The following TRAF3 variants were observed in gnomAD, a reference collection of about 807,000 sequenced individuals.
The protein encoded by TRAF3 is TNF receptor-associated factor 3.
In TRAF3, 13 loss-of-function variants were observed where a neutral mutation model predicts 62.3. The ratio of observed to expected loss-of-function variants is 0.21; its 90% CI spans 0.14 to 0.33. TRAF3 has a LOEUF of 0.33. Ranked by LOEUF, TRAF3 falls within the 10% of genes least tolerant of loss-of-function variation. TRAF3 has a pLI of 1.00. For synonymous variants in TRAF3, 269 were observed against 283.4 expected (o/e 0.95, Z 0.51); for missense variants, 440 against 741.8 (o/e 0.59, Z 4.73).
chr14:102,835,156 C>T (rs1825068052), intron 2 of TRAF3, among the ~76,000 whole-genome samples: 1 of 152,048 alleles, frequency 6.6e-6, no homozygotes, highest in African/African-American at 2.4e-5. Flanking sequence ...GAAAAACAGC[C>T]CAAATCACTG....
At chr14:102,866,761 C>CT (rs1007447384) in intron 2 of TRAF3, among the ~76,000 whole-genome samples, 1 of 151,670 alleles carries the variant, frequency 6.6e-6, no homozygotes, top group Non-Finnish European at 1.5e-5. Flanking sequence ...GGGAGGATTG[C>CT]TTGAGCCCAG....
intron 1 of TRAF3, among the ~76,000 whole-genome samples, chr14:102,820,504 A>G (rs1463425861): frequency 1.4e-5 from 2 of 140,088 alleles, no homozygotes; most frequent in Non-Finnish European, 3.0e-5. Context: ...AATGTTTTTC[A>G]GATGCATTTT....
chr14:102,787,076 T>C (rs1436233814), intron 1 of TRAF3, among the ~76,000 whole-genome samples: 1 of 152,170 alleles, frequency 6.6e-6, no homozygotes, highest in Non-Finnish European at 1.5e-5. Flanking sequence ...TCATTTCTCT[T>C]CCCCTTTCCT....
Position 102,891,318 on chromosome 14 carries a change from C to T in TRAF3, c.727-7C>T, listed in dbSNP as rs376963322. The T allele has an allele frequency of 4.3e-6, 7 of 1,612,120 alleles. No individual in the cohort carries two copies. The highest frequency in any genetic ancestry group is 2.2e-5 in the East Asian group (1 of 44,854). On this transcript the variant is annotated splice_polypyrimidine_tract_variant and splice_region_variant and intron_variant, in intron 8 of 11. Transcript: ENST00000392745. Reference sequence around the variant, plus strand: ...TCGCTGAATGCCTCACATGTTTGCTCTCGCAGGGGACAAACCAGCAGATCA... The same window carrying T: ...TCGCTGAATGCCTCACATGTTTGCTTTCGCAGGGGACAAACCAGCAGATCA...
intron 2 of TRAF3, among the ~76,000 whole-genome samples, chr14:102,837,919 T>C (rs986987666): frequency 6.6e-6 from 1 of 152,132 alleles, no homozygotes; most frequent in African/African-American, 2.4e-5. Context: ...GCCAGCAGAG[T>C]TGGAGCATTG....
chr14:102,897,023 A>G (rs1330108709), intron 9 of TRAF3, among the ~76,000 whole-genome samples: 2 of 152,170 alleles, frequency 1.3e-5, no homozygotes, highest in Non-Finnish European at 1.5e-5. Flanking sequence ...GCAGTGAGCT[A>G]TGATTGCACC....
chr14:102,870,994 C>G (rs1056108033), intron 3 of TRAF3, among the ~76,000 whole-genome samples: 2 of 152,242 alleles, frequency 1.3e-5, no homozygotes, highest in African/African-American at 4.8e-5. Flanking sequence ...CAGGCTGGAG[C>G]TTTACTGCAG....
chr14:102,781,771 C>T (rs1195872954), intron 1 of TRAF3, among the ~76,000 whole-genome samples: 2 of 149,974 alleles, frequency 1.3e-5, no homozygotes, highest in African/African-American at 4.9e-5. Flanking sequence ...GGATTACAGG[C>T]GCCTGCCACC....
At chr14:102,886,598 G>A (rs1164380519) in intron 7 of TRAF3, among the ~76,000 whole-genome samples, 1 of 151,930 alleles carries the variant, frequency 6.6e-6, no homozygotes, top group African/African-American at 2.4e-5. Context: ...TCTACTAAAA[G>A]TACAAAAACT....
chr14:102,779,161 A>T (rs1330507970), intron 1 of TRAF3, among the ~76,000 whole-genome samples: 1 of 151,474 alleles, frequency 6.6e-6, no homozygotes, highest in Non-Finnish European at 1.5e-5. Flanking sequence ...ATCAGACCTT[A>T]TCATGGATAA....
intron 1 of TRAF3, among the ~76,000 whole-genome samples, chr14:102,796,267 G>C (rs1184460132): frequency 6.6e-6 from 1 of 152,228 alleles, no homozygotes; most frequent in Non-Finnish European, 1.5e-5. Flanking sequence ...CCAAATGGCG[G>C]AACACGTGGA....
chr14:102,781,405 C>T (rs1363528176), intron 1 of TRAF3, among the ~76,000 whole-genome samples: 3 of 152,178 alleles, frequency 2.0e-5, no homozygotes, highest in Non-Finnish European at 4.4e-5. Flanking sequence ...GGGAACAGAG[C>T]AGCAGGCCCT....
intron 1 of TRAF3, among the ~76,000 whole-genome samples, chr14:102,793,158 C>G (rs1242408133): frequency 3.3e-5 from 5 of 151,914 alleles, no homozygotes; most frequent in African/African-American, 1.2e-4. Flanking sequence ...ATCTGGGAAC[C>G]AATCTTTTTT....
chr14:102,808,142 CTT>C (rs747816372), intron 1 of TRAF3, among the ~76,000 whole-genome samples: 12 of 152,106 alleles, frequency 7.9e-5, no homozygotes, highest in African/African-American at 1.2e-4. Context: ...CAGAGAGTCA[CTT>C]TGGCCACGTC....
At chr14:102,822,057 CA>C (rs1261723144) in intron 1 of TRAF3, among the ~76,000 whole-genome samples, 2 of 151,960 alleles carry the variant, frequency 1.3e-5, no homozygotes, top group Non-Finnish European at 2.9e-5. Context: ...AAATAAAATA[CA>C]ATAAAATAAA....
At chr14:102,810,970 C>G (rs989973520) in intron 1 of TRAF3, among the ~76,000 whole-genome samples, 4 of 152,150 alleles carry the variant, frequency 2.6e-5, no homozygotes, top group Non-Finnish European at 2.9e-5. Context: ...CAGGAGAAAG[C>G]TCGGTAAAGG....
chr14:102,872,009 C>T (rs765916612), intron 4 of TRAF3, 41 bp downstream of exon 4: 1 of 1,595,514 alleles, frequency 6.3e-7, no homozygotes, highest in African/African-American at 1.3e-5. Flanking sequence ...CACATGTTTT[C>T]AGCTGGGTAA....
At chr14:102,886,295 A>G (rs1211594680) in intron 7 of TRAF3, 26 bp downstream of exon 7, 1 of 1,588,522 alleles carries the variant, frequency 6.3e-7, no homozygotes, top group Admixed American at 1.7e-5. Context: ...CCCGGCCGGG[A>G]GTCTGTGGAG....
At chr14:102,822,487 A>G (rs956800107) in intron 1 of TRAF3, among the ~76,000 whole-genome samples, 3 of 152,206 alleles carry the variant, frequency 2.0e-5, no homozygotes, top group African/African-American at 7.2e-5. Flanking sequence ...CATAAAAAGA[A>G]TCAGATCTAC....
Sources: gnomAD v4.1 joint callset for allele counts (sites outside exome capture counted in the v4.1 genomes callset) on GRCh38, gnomAD v4.1.1 for gene constraint, MANE v1.5 for transcripts, NCBI Gene and HGNC (gene_info 2026-07-23, HGNC 2026-07-21) for gene names.